Variants in SORCS1 observed in about 807,000 individuals in gnomAD.
The protein encoded by SORCS1 is sortilin related VPS10 domain containing receptor 1.
SORCS1 carries 60 observed loss-of-function variants against 146.1 expected under a neutral mutation model. That is an observed-to-expected ratio of 0.41 (90% CI 0.33 to 0.51). The LOEUF is 0.51. Among genes scored for constraint, SORCS1 ranks in the 20% least tolerant of loss-of-function variants. The pLI is 0.21. For synonymous variants in SORCS1, 637 were observed against 584.0 expected (o/e 1.09, Z -1.31); for missense variants, 1,352 against 1,487.6 (o/e 0.91, Z 1.50).
intron 1 of SORCS1, among the ~76,000 whole-genome samples, chr10:107,042,433 T>G (rs2133997704): frequency 6.6e-6 from 1 of 152,282 alleles, no homozygotes; most frequent in Admixed American, 6.5e-5. Context: ...GTAAATAAGT[T>G]TTCTCTCTTA....
At chr10:106,737,924 T>C (rs1043039167) in intron 5 of SORCS1, among the ~76,000 whole-genome samples, 69 of 152,362 alleles carry the variant, frequency 4.5e-4, no homozygotes, top group African/African-American at 1.6e-3. Context: ...AGTGGTATCA[T>C]ACCCTGCATA....
chr10:106,685,103 T>C (rs1252317938), intron 10 of SORCS1, among the ~76,000 whole-genome samples: 1 of 152,200 alleles, frequency 6.6e-6, no homozygotes, highest in Non-Finnish European at 1.5e-5. Context: ...TTCCTGCTTT[T>C]GTTAACTTTG....
chr10:107,045,496 G>A (rs1959291060), intron 1 of SORCS1, among the ~76,000 whole-genome samples: 1 of 152,134 alleles, frequency 6.6e-6, no homozygotes, highest in Admixed American at 6.5e-5. Flanking sequence ...CATATTTGTA[G>A]AGTGTTACAG....
chr10:107,095,473 G>A (rs1410415), intron 1 of SORCS1, among the ~76,000 whole-genome samples: 85,106 of 151,920 alleles, frequency 0.56, 24,911 homozygotes, highest in African/African-American at 0.69. Flanking sequence ...GAGGAAAAAA[G>A]CCACTGAAAG....
chr10:106,801,195 T>C (rs190862518), intron 3 of SORCS1, among the ~76,000 whole-genome samples: 1 of 152,304 alleles, frequency 6.6e-6, no homozygotes, highest in Non-Finnish European at 1.5e-5. Flanking sequence ...TTTCACATAC[T>C]ATCATATTAA....
At chr10:107,127,034 C>T (rs1361562702) in intron 1 of SORCS1, among the ~76,000 whole-genome samples, 2 of 152,102 alleles carry the variant, frequency 1.3e-5, no homozygotes, top group Non-Finnish European at 2.9e-5. Context: ...ATTTACAGAT[C>T]TTTGATGGCT....
chr10:107,143,338 T>C lies in SORCS1; in HGVS notation c.558+20631A>G, dbSNP rs137948445. 2.5e-3 allele frequency among the ~76,000 whole-genome samples: 385 copies of C among 152,330 alleles called. 7 individuals carry two copies. The East Asian group carries it at 0.061, about 24-fold the overall frequency. On this transcript the variant is annotated intron_variant, in intron 1 of 25. Coordinates refer to ENST00000263054, the MANE Select transcript of SORCS1 (RefSeq NM_052918.5). ...AATCTCTTATTTTGTTTTGTTGTTTTTGTTTTTGAGTCAGGGTCTGGCTCT... is the reference window on the plus strand; with the variant it reads ...AATCTCTTATTTTGTTTTGTTGTTTCTGTTTTTGAGTCAGGGTCTGGCTCT...
chr10:107,110,875 C>A (rs1364890730), intron 1 of SORCS1, among the ~76,000 whole-genome samples: 4 of 152,072 alleles, frequency 2.6e-5, no homozygotes, highest in Non-Finnish European at 5.9e-5. Flanking sequence ...TTCTTCATCC[C>A]AGTGCCAGCC....
intron 2 of SORCS1, among the ~76,000 whole-genome samples, chr10:106,876,963 G>A (rs1424133337): frequency 6.6e-6 from 1 of 152,160 alleles, no homozygotes. Flanking sequence ...GGAGGACAAA[G>A]ACTGTGCCTG....
At chr10:106,907,963 G>C (rs559059389) in intron 2 of SORCS1, among the ~76,000 whole-genome samples, 6 of 152,016 alleles carry the variant, frequency 3.9e-5, no homozygotes, top group African/African-American at 1.2e-4. Flanking sequence ...TCTTGGGAGA[G>C]TTTTATTAAT....
intron 14 of SORCS1, 80 bp from the exon 15 acceptor site, chr10:106,673,065 G>A (rs1411356810): frequency 3.0e-5 from 34 of 1,139,020 alleles, no homozygotes; most frequent in Admixed American, 2.1e-4. Flanking sequence ...TTTGTGGGGC[G>A]TTCACCCTGA....
chr10:106,739,758 T>C (rs7902946), intron 5 of SORCS1, among the ~76,000 whole-genome samples: 24,843 of 151,734 alleles, frequency 0.16, 3,205 homozygotes, highest in African/African-American at 0.36. Flanking sequence ...AAGATAATCC[T>C]GGCTAATGTG....
chr10:107,127,473 C>T (rs1368265031), intron 1 of SORCS1, among the ~76,000 whole-genome samples: 1 of 152,066 alleles, frequency 6.6e-6, no homozygotes, highest in East Asian at 1.9e-4. Context: ...CTTAAGTATT[C>T]TTGCATCCTT....
intron 1 of SORCS1, among the ~76,000 whole-genome samples, chr10:107,150,161 A>G (rs899949764): frequency 5.9e-5 from 9 of 152,238 alleles, no homozygotes; most frequent in Admixed American, 2.0e-4. Flanking sequence ...ATCAGATCTT[A>G]TTCATCTTTG....
intron 10 of SORCS1, among the ~76,000 whole-genome samples, chr10:106,682,950 A>C (rs1852552647): frequency 6.6e-6 from 1 of 152,320 alleles, no homozygotes; most frequent in Non-Finnish European, 1.5e-5. Context: ...GCATCCTCAC[A>C]CATAGTCACA....
At chr10:106,758,728 C>T (rs1026916599) in intron 5 of SORCS1, among the ~76,000 whole-genome samples, 1 of 151,920 alleles carries the variant, frequency 6.6e-6, no homozygotes, top group Non-Finnish European at 1.5e-5. Context: ...GAATACGATA[C>T]AAAATTAGTA....
At chr10:106,947,076 A>T (rs1206820108) in intron 2 of SORCS1, among the ~76,000 whole-genome samples, 1 of 152,194 alleles carries the variant, frequency 6.6e-6, no homozygotes, top group East Asian at 1.9e-4. Context: ...TGGTCAGGAA[A>T]ATACCCATTA....
intron 2 of SORCS1, among the ~76,000 whole-genome samples, chr10:106,924,178 C>T (rs558347850): frequency 6.6e-6 from 1 of 150,668 alleles, no homozygotes; most frequent in African/African-American, 2.4e-5. Flanking sequence ...CGCTTGAACC[C>T]GGGAGGTGGA....
intron 3 of SORCS1, among the ~76,000 whole-genome samples, chr10:106,791,564 T>A (rs1170593505): frequency 2.6e-5 from 4 of 152,104 alleles, no homozygotes; most frequent in Non-Finnish European, 5.9e-5. Flanking sequence ...TTGGGCGTGG[T>A]GGTGCACAGC....
Sources: gnomAD v4.1 joint callset for allele counts (sites outside exome capture counted in the v4.1 genomes callset) on GRCh38, gnomAD v4.1.1 for gene constraint, MANE v1.5 for transcripts, NCBI Gene and HGNC (gene_info 2026-07-23, HGNC 2026-07-21) for gene names.